The following KDM4C variants were observed in gnomAD, a reference collection of about 807,000 sequenced individuals.
KDM4C encodes lysine demethylase 4C.
Under a neutral mutation model 129.3 loss-of-function variants are expected in KDM4C, and 81 were observed. The ratio of observed to expected loss-of-function variants is 0.63; its 90% CI spans 0.52 to 0.75. The LOEUF (loss-of-function observed/expected upper bound fraction) is 0.75, where lower values mean the gene tolerates loss of function less well. Among genes scored for constraint, KDM4C ranks in the 30% least tolerant of loss-of-function variants. The probability of loss-of-function intolerance (pLI) is 0.00; values close to 1 mark genes in which losing one functional copy is unlikely to be tolerated. For synonymous variants in KDM4C, 573 were observed against 456.1 expected (o/e 1.26, Z -3.26); for missense variants, 1,457 against 1,304.0 (o/e 1.12, Z -1.81).
At chr9:6,846,592 T>C (rs991984972) in intron 4 of KDM4C, among the ~76,000 whole-genome samples, 15 of 152,258 alleles carry the variant, frequency 9.9e-5, no homozygotes, top group African/African-American at 3.6e-4. Context: ...AACTGCTTAA[T>C]TGAAATTATA....
chr9:6,945,616 A>G (rs891852642), intron 8 of KDM4C, among the ~76,000 whole-genome samples: 5 of 152,184 alleles, frequency 3.3e-5, no homozygotes, highest in African/African-American at 4.8e-5. Context: ...AAATAGATGG[A>G]ATTTACTACT....
intron 8 of KDM4C, among the ~76,000 whole-genome samples, chr9:6,901,428 C>A (rs7033444): frequency 0.36 from 54,928 of 152,064 alleles, 11,213 homozygotes; most frequent in Middle Eastern, 0.55. Context: ...GCTCAGCAAC[C>A]TCATGAGGTC....
intron 2 of KDM4C, among the ~76,000 whole-genome samples, chr9:6,799,482 G>GC (rs1828491600): frequency 6.6e-6 from 1 of 152,170 alleles, no homozygotes; most frequent in Admixed American, 6.5e-5. Flanking sequence ...GGAGAATCAG[G>GC]CAGGGAGGTT....
chr9:7,077,532 T>G, intron 17 of KDM4C, among the ~76,000 whole-genome samples: 1 of 152,224 alleles, frequency 6.6e-6, no homozygotes, highest in East Asian at 1.9e-4. Flanking sequence ...ATTTTATATT[T>G]TGTAAAACTG....
intron 1 of KDM4C, among the ~76,000 whole-genome samples, chr9:6,732,371 A>C (rs1404420882): frequency 1.5e-4 from 9 of 61,950 alleles, no homozygotes; most frequent in Admixed American, 8.6e-4. Flanking sequence ...TCTCAAAAAA[A>C]AAAAAAAAAA....
At chr9:6,805,563 T>C in intron 2 of KDM4C, 36 bp from the exon 3 acceptor site, 1 of 1,496,648 alleles carries the variant, frequency 6.7e-7, no homozygotes, top group South Asian at 1.3e-5. Flanking sequence ...TGGAGTATTT[T>C]CAAGATGATA....
chr9:7,098,983 C>A (rs1370786150), intron 17 of KDM4C, among the ~76,000 whole-genome samples: 1 of 152,162 alleles, frequency 6.6e-6, no homozygotes, highest in African/African-American at 2.4e-5. Context: ...CTCTGACTTG[C>A]CTGCAGCAAT....
At chr9:7,068,032 G>A (rs552832954) in intron 17 of KDM4C, among the ~76,000 whole-genome samples, 11 of 152,180 alleles carry the variant, frequency 7.2e-5, no homozygotes, top group South Asian at 6.2e-4. Context: ...TCCTGACCTC[G>A]TGATCCACCC....
At chr9:6,889,247 GT>G (rs1845755534) in intron 7 of KDM4C, among the ~76,000 whole-genome samples, 1 of 130,492 alleles carries the variant, frequency 7.7e-6, no homozygotes, top group Non-Finnish European at 1.6e-5. Context: ...GTGTGTGTGT[GT>G]GTGGGAGGGT....
intron 15 of KDM4C, among the ~76,000 whole-genome samples, chr9:7,039,218 AAC>A (rs1417912117): frequency 6.6e-6 from 1 of 151,966 alleles, no homozygotes; most frequent in South Asian, 2.1e-4. Flanking sequence ...ATAACACATA[AAC>A]ACACACTCCA....
chr9:7,020,745 T>C (rs949280113), intron 15 of KDM4C, among the ~76,000 whole-genome samples: 37 of 152,342 alleles, frequency 2.4e-4, no homozygotes, highest in African/African-American at 8.7e-4. Flanking sequence ...AGACATGCAG[T>C]ACATAATAAC....
At chr9:6,867,930 C>T (rs1178553562) in intron 5 of KDM4C, among the ~76,000 whole-genome samples, 3 of 152,118 alleles carry the variant, frequency 2.0e-5, no homozygotes, top group Non-Finnish European at 4.4e-5. Context: ...TTACACAGAA[C>T]CCTTATGTAT....
intron 19 of KDM4C, among the ~76,000 whole-genome samples, chr9:7,130,751 T>A (rs10976058): frequency 0.29 from 44,507 of 151,826 alleles, 6,921 homozygotes; most frequent in East Asian, 0.47. Flanking sequence ...TGAATAGTAA[T>A]GTCTTTTTTT....
chr9:6,972,957 A>G (rs1832261032), intron 8 of KDM4C, among the ~76,000 whole-genome samples: 1 of 152,090 alleles, frequency 6.6e-6, no homozygotes. Flanking sequence ...TCTTTTGTCC[A>G]CTTTAAATCA....
intron 4 of KDM4C, among the ~76,000 whole-genome samples, chr9:6,826,251 T>C (rs1014719040): frequency 3.3e-5 from 5 of 152,058 alleles, no homozygotes; most frequent in Non-Finnish European, 7.4e-5. Flanking sequence ...TTGTTTTTAG[T>C]TTTCTTGATA....
At chr9:6,876,136 A>G (rs1350577515) in intron 5 of KDM4C, among the ~76,000 whole-genome samples, 1 of 152,108 alleles carries the variant, frequency 6.6e-6, no homozygotes, top group Non-Finnish European at 1.5e-5. Flanking sequence ...CTGACCCTTG[A>G]TGTTAGGATT....
intron 15 of KDM4C, among the ~76,000 whole-genome samples, chr9:7,034,428 C>T (rs1587097220): frequency 6.6e-6 from 1 of 152,234 alleles, no homozygotes; most frequent in East Asian, 1.9e-4. Flanking sequence ...CTTGTTTCAG[C>T]ATCCACATAT....
chr9:7,103,969 G>C, intron 18 of KDM4C, 99 bp downstream of exon 18: 1 of 1,073,932 alleles, frequency 9.3e-7, no homozygotes, highest in Non-Finnish European at 1.4e-6. Flanking sequence ...TCTGTAATAT[G>C]ACTCATTGTT....
At chr9:7,009,181 A>G (rs1371667217) in intron 12 of KDM4C, among the ~76,000 whole-genome samples, 3 of 152,248 alleles carry the variant, frequency 2.0e-5, no homozygotes, top group African/African-American at 4.8e-5. Context: ...GAGAATTTCA[A>G]CAAAGAGATA....
Sources: gnomAD v4.1 joint callset for allele counts (sites outside exome capture counted in the v4.1 genomes callset) on GRCh38, gnomAD v4.1.1 for gene constraint, MANE v1.5 for transcripts, NCBI Gene and HGNC (gene_info 2026-07-23, HGNC 2026-07-21) for gene names.